RBFOX1: variants seen among roughly 807,000 people sequenced by gnomAD.
RBFOX1 encodes RNA binding fox-1 homolog 1.
A neutral mutation model predicts 57.7 loss-of-function variants in RBFOX1; 8 were observed. The observed-to-expected ratio is 0.14, with a 90% CI of 0.08 to 0.25. The LOEUF is 0.25. Among genes scored for constraint, RBFOX1 ranks in the 10% least tolerant of loss-of-function variants. RBFOX1 has a pLI of 1.00. For synonymous variants in RBFOX1, 326 were observed against 222.4 expected, an observed-to-expected ratio of 1.47 and a Z score of -4.15; for missense variants, 611 against 548.5, an observed-to-expected ratio of 1.11 and a Z score of -1.14.
chr16:6,854,528 C>G (rs1051396461), intron 3 of RBFOX1, among the ~76,000 whole-genome samples: 6 of 151,260 alleles, frequency 4.0e-5, no homozygotes, highest in Admixed American at 6.6e-5. Flanking sequence ...CCTGTTTTGC[C>G]TGGCCAACGA....
chr16:7,452,200 A>G (rs922222839), intron 4 of RBFOX1, among the ~76,000 whole-genome samples: 4 of 152,246 alleles, frequency 2.6e-5, no homozygotes, highest in African/African-American at 9.6e-5. Context: ...ATAAATAACA[A>G]TATGGATGAA....
chr16:6,202,199 T>G (rs1221923855), intron 1 of RBFOX1, among the ~76,000 whole-genome samples: 4 of 152,202 alleles, frequency 2.6e-5, no homozygotes, highest in African/African-American at 9.6e-5. Context: ...GTTTTTGCTT[T>G]ACACATTTAT....
In RBFOX1 at chr16:6,919,224, C is replaced by A. The variant is rs138037291; in HGVS notation, c.-15-132833C>A. Among the ~76,000 whole-genome samples the A allele has an allele frequency of 6.3e-3, 953 of 152,116 alleles. 10 individuals carry two copies. Among genetic ancestry groups the A allele is most frequent in the African/African-American group, 0.022 (904 of 41,484 alleles). On this transcript the variant is annotated intron_variant, in intron 3 of 15. Coordinates refer to ENST00000550418, the MANE Select transcript of RBFOX1 (RefSeq NM_018723.4). ...TCTTGAACTCCTGACCTCAGGTGAT[C>A]CGCCCGCCTCAGCTTCCCAAAGTGC...
intron 4 of RBFOX1, among the ~76,000 whole-genome samples, chr16:7,264,251 T>G (rs2095043019): frequency 6.6e-6 from 1 of 152,146 alleles, no homozygotes; most frequent in Admixed American, 6.5e-5. Context: ...GGGAGTGAAC[T>G]GGACAGAAGA....
intron 1 of RBFOX1, among the ~76,000 whole-genome samples, chr16:6,256,233 G>GTATATATATGTGTATATATA (rs1325348390): frequency 2.4e-5 from 1 of 42,126 alleles, no homozygotes; most frequent in African/African-American, 7.7e-5. Flanking sequence ...ATATATATAT[G>GTATATATATGTGTATATATA]TGTATATATA....
intron 4 of RBFOX1, among the ~76,000 whole-genome samples, chr16:5,921,499 G>C (rs1162206195): frequency 6.6e-6 from 1 of 152,144 alleles, no homozygotes. Context: ...ACCGATGAGG[G>C]CATCAAGATG....
intron 4 of RBFOX1, among the ~76,000 whole-genome samples, chr16:7,271,472 A>G (rs988458643): frequency 1.3e-5 from 2 of 151,788 alleles, no homozygotes; most frequent in African/African-American, 4.8e-5. Flanking sequence ...AATTTTTGCC[A>G]GTTTCTTTGT....
At chr16:7,542,078 T>C (rs998455992) in intron 5 of RBFOX1, among the ~76,000 whole-genome samples, 1 of 152,098 alleles carries the variant, frequency 6.6e-6, no homozygotes, top group Admixed American at 6.6e-5. Context: ...ACCTCTAAAA[T>C]AGAGCAGCAG....
chr16:7,130,404 T>C (rs1387167009), intron 4 of RBFOX1, among the ~76,000 whole-genome samples: 1 of 152,184 alleles, frequency 6.6e-6, no homozygotes, highest in Non-Finnish European at 1.5e-5. Flanking sequence ...GGAAATTCTC[T>C]GAGCGTATTC....
chr16:6,866,020 C>A (rs1005489238), intron 3 of RBFOX1, among the ~76,000 whole-genome samples: 1 of 151,856 alleles, frequency 6.6e-6, no homozygotes, highest in African/African-American at 2.4e-5. Flanking sequence ...TATTGGCTAG[C>A]ACATCTTTGA....
intron 2 of RBFOX1, among the ~76,000 whole-genome samples, chr16:6,336,685 T>G (rs571204969): frequency 6.6e-6 from 1 of 151,926 alleles, no homozygotes; most frequent in East Asian, 1.9e-4. Context: ...TAAGATTCTG[T>G]AAAGAGGTGG....
intron 4 of RBFOX1, among the ~76,000 whole-genome samples, chr16:7,256,145 A>G (rs1246054845): frequency 3.9e-5 from 6 of 152,240 alleles, no homozygotes; most frequent in African/African-American, 1.4e-4. Context: ...ATAAATACAT[A>G]GAATGTAAAT....
chr16:7,155,165 C>G (rs780641641), intron 4 of RBFOX1, among the ~76,000 whole-genome samples: 9 of 152,092 alleles, frequency 5.9e-5, no homozygotes, highest in Non-Finnish European at 8.8e-5. Flanking sequence ...AGGCTGAGTA[C>G]TACCACAAGA....
intron 4 of RBFOX1, among the ~76,000 whole-genome samples, chr16:5,886,017 C>T (rs958168617): frequency 3.3e-5 from 5 of 152,084 alleles, no homozygotes; most frequent in African/African-American, 9.7e-5. Context: ...GTTGTTTAAA[C>T]GTGGGTAACA....
In RBFOX1 at chr16:5,874,198, A is replaced by C. The variant is rs569486263; in HGVS notation, c.351+6863A>C. Among the ~76,000 whole-genome samples the C allele has an allele frequency of 4.5e-4, 69 of 152,282 alleles. 1 individual carries two copies. Among genetic ancestry groups the C allele is most frequent in the Middle Eastern group, 3.4e-3 (1 of 294 alleles). On this transcript the variant is annotated intron_variant, in intron 4 of 19. Transcript: ENST00000641259. ...TTCCAATGTGGATGTCTTAGGAGTAAACAGAAGGAGAAGACACATGGGCCA... is the reference window on the plus strand; with the variant it reads ...TTCCAATGTGGATGTCTTAGGAGTACACAGAAGGAGAAGACACATGGGCCA...
At chr16:6,855,118 G>T (rs953975012) in intron 3 of RBFOX1, among the ~76,000 whole-genome samples, 21 of 152,060 alleles carry the variant, frequency 1.4e-4, no homozygotes, top group African/African-American at 5.1e-4. Context: ...GGAGTTGACA[G>T]ATTCCAGCAC....
chr16:7,149,918 C>G (rs775260049), intron 4 of RBFOX1, among the ~76,000 whole-genome samples: 6 of 152,182 alleles, frequency 3.9e-5, no homozygotes, highest in Non-Finnish European at 7.3e-5. Context: ...CCAGCCACAT[C>G]CCGTGGCTTG....
At chr16:7,305,266 T>A (rs150991378) in intron 4 of RBFOX1, among the ~76,000 whole-genome samples, 2 of 152,102 alleles carry the variant, frequency 1.3e-5, no homozygotes, top group African/African-American at 4.8e-5. Context: ...TCAGGGTGTT[T>A]CCTTGGGACC....
exon 3 of RBFOX1, chr16:5,599,231 G>T: frequency 1.5e-6 from 1 of 687,304 alleles, no homozygotes; most frequent in Non-Finnish European, 2.7e-6. Context: ...GGACAGATCC[G>T]GGGCACAGTG....
Sources: allele counts gnomAD v4.1 joint callset (sites outside exome capture counted in the v4.1 genomes callset), GRCh38; gene constraint gnomAD v4.1.1; transcripts MANE v1.5; gene names NCBI Gene and HGNC (gene_info 2026-07-23, HGNC 2026-07-21).